The following TEX9 variants were observed in gnomAD, a reference collection of about 807,000 sequenced individuals.
TEX9 encodes testis-expressed protein 9.
In TEX9, 74 loss-of-function variants were observed where a neutral mutation model predicts 59.6. That is an observed-to-expected ratio of 1.24 (90% CI 1.03 to 1.51). TEX9 has a LOEUF of 1.51. TEX9 is among the 40% of genes most tolerant of loss of function. TEX9 has a pLI of 0.00. For synonymous variants in TEX9, 186 were observed against 152.2 expected (o/e 1.22, Z -1.64); for missense variants, 522 against 447.8 (o/e 1.17, Z -1.49).
chr15:56,385,712 T>C (rs2047929355), intron 4 of TEX9, among the ~76,000 whole-genome samples: 1 of 152,084 alleles, frequency 6.6e-6, no homozygotes, highest in Non-Finnish European at 1.5e-5. Flanking sequence ...ACTCTAACAA[T>C]GGACTATAAT....
At chr15:56,364,092 A>T (rs2046845690), upstream of TEX9, among the ~76,000 whole-genome samples, 1 of 151,960 alleles carries the variant, frequency 6.6e-6, no homozygotes, top group Non-Finnish European at 1.5e-5. Context: ...TATTTATGGT[A>T]TCTTTTGAAA....
intron 9 of TEX9, among the ~76,000 whole-genome samples, chr15:56,404,024 A>C (rs942528561): frequency 6.6e-6 from 1 of 152,240 alleles, no homozygotes; most frequent in African/African-American, 2.4e-5. Context: ...AAAACCATAA[A>C]ATCCCTGGAA....
intron 12 of TEX9, among the ~76,000 whole-genome samples, chr15:56,440,216 A>G (rs1428511008): frequency 2.6e-5 from 4 of 152,196 alleles, no homozygotes; most frequent in Non-Finnish European, 5.9e-5. Flanking sequence ...TAAAACTACA[A>G]GGTATCACTA....
At chr15:56,324,323 C>A (rs2045971672) in intron 1 of TEX9, among the ~76,000 whole-genome samples, 1 of 152,024 alleles carries the variant, frequency 6.6e-6, no homozygotes, top group Admixed American at 6.6e-5. Context: ...CATATCAGAT[C>A]ATTACAAGTC....
chr15:56,298,758 C>A (rs1260387382), intron 1 of TEX9, among the ~76,000 whole-genome samples: 2 of 152,110 alleles, frequency 1.3e-5, no homozygotes, highest in Non-Finnish European at 2.9e-5. Context: ...CATTGTTGTC[C>A]AATCATAAGA....
At chr15:56,307,541 G>A (rs79245413) in intron 1 of TEX9, among the ~76,000 whole-genome samples, 4,217 of 152,312 alleles carry the variant, frequency 0.028, 194 homozygotes, top group African/African-American at 0.095. Flanking sequence ...TTTATTAAAT[G>A]TCCAATATTT....
chr15:56,342,703 AAC>A (rs1262704539), intron 1 of TEX9, among the ~76,000 whole-genome samples: 31 of 152,178 alleles, frequency 2.0e-4, no homozygotes, highest in African/African-American at 7.2e-4. Flanking sequence ...GTTGGACTGA[AAC>A]ACAACCCACA....
At chr15:56,293,351 CA>C (rs1436378181) in intron 1 of TEX9, among the ~76,000 whole-genome samples, 1 of 151,980 alleles carries the variant, frequency 6.6e-6, no homozygotes, top group East Asian at 1.9e-4. Flanking sequence ...ACAAAAAAGA[CA>C]GTCCCTTCTT....
chr15:56,427,945 A>AAGTT (rs779110283), intron 11 of TEX9, among the ~76,000 whole-genome samples: 2 of 152,126 alleles, frequency 1.3e-5, no homozygotes, highest in Non-Finnish European at 2.9e-5. Flanking sequence ...TCACATAAGT[A>AAGTT]AGTTAGTGTA....
the TEX9 span, among the ~76,000 whole-genome samples, chr15:56,460,007 A>T: frequency 0.013 from 353 of 27,466 alleles, 23 homozygotes; most frequent in African/African-American, 0.04. Flanking sequence ...AAAAAAAAAA[A>T]AAATACATAT....
At chr15:56,365,526 G>C (rs2141945733) in intron 1 of TEX9, 49 bp downstream of exon 1, 2 of 1,614,190 alleles carry the variant, frequency 1.2e-6, no homozygotes, top group Non-Finnish European at 1.7e-6. Flanking sequence ...CCGGCGACTA[G>C]GACGCCTAAC....
At chr15:56,430,688 T>C (rs2140315043) in intron 12 of TEX9, among the ~76,000 whole-genome samples, 2 of 152,320 alleles carry the variant, frequency 1.3e-5, no homozygotes, top group South Asian at 4.2e-4. Flanking sequence ...TTCATACACA[T>C]TCTCATCTTT....
intron 12 of TEX9, chr15:56,434,311 G>T: frequency 5.0e-6 from 8 of 1,613,826 alleles, no homozygotes; most frequent in Non-Finnish European, 6.8e-6. Context: ...TTTGCAGCCT[G>T]TAGCACTAAT....
intron 10 of TEX9, among the ~76,000 whole-genome samples, chr15:56,424,192 T>C (rs2050133696): frequency 6.6e-6 from 1 of 152,186 alleles, no homozygotes; most frequent in Non-Finnish European, 1.5e-5. Flanking sequence ...TGTATCTATC[T>C]TCTTGCTGAA....
chr15:56,278,056 C>T (rs990723023), intron 1 of TEX9, among the ~76,000 whole-genome samples: 1 of 151,848 alleles, frequency 6.6e-6, no homozygotes, highest in South Asian at 2.1e-4. Flanking sequence ...TGATGCTCAT[C>T]TCTTTTATAG....
chr15:56,298,166 A>C (rs2045260589), intron 1 of TEX9, among the ~76,000 whole-genome samples: 1 of 152,216 alleles, frequency 6.6e-6, no homozygotes, highest in African/African-American at 2.4e-5. Flanking sequence ...TTTACAAAAA[A>C]GTATTTGAGA....
At chr15:56,426,586 G>GGTGT (rs1309609896) in intron 10 of TEX9, among the ~76,000 whole-genome samples, 1 of 6,874 alleles carries the variant, frequency 1.5e-4, no homozygotes, top group Non-Finnish European at 4.9e-4. Context: ...TTTTTGAAAA[G>GGTGT]GTGTATATAT....
intron 1 of TEX9, chr15:56,248,886 A>C (rs2043931780): frequency 6.6e-6 from 1 of 152,280 alleles, no homozygotes; most frequent in Non-Finnish European, 1.5e-5. Context: ...AGTCAGTGCC[A>C]GTGCAGTCTG....
chr15:56,447,053 G>T (rs1031105767), downstream of TEX9: 2 of 712,324 alleles, frequency 2.8e-6, no homozygotes. Context: ...GGAATACAGC[G>T]GGTATTATTT....
Sources: allele counts gnomAD v4.1 joint callset (sites outside exome capture counted in the v4.1 genomes callset), GRCh38; gene constraint gnomAD v4.1.1; transcripts MANE v1.5; gene names NCBI Gene and HGNC (gene_info 2026-07-23, HGNC 2026-07-21).